The following ERBB4 variants were observed in gnomAD, a reference collection of about 807,000 sequenced individuals.
ERBB4 encodes the protein erb-b2 receptor tyrosine kinase 4.
Under a neutral mutation model 158.0 loss-of-function variants are expected in ERBB4, and 42 were observed. The ratio of observed to expected loss-of-function variants is 0.27; its 90% CI spans 0.21 to 0.34. ERBB4 has a LOEUF of 0.34. Ranked by LOEUF, ERBB4 falls within the 10% of genes least tolerant of loss-of-function variation. The pLI is 1.00. For missense variants in ERBB4, 1,333 were observed against 1,624.1 expected, an observed-to-expected ratio of 0.82 and a Z score of 3.08; for synonymous variants, 583 against 558.7, an observed-to-expected ratio of 1.04 and a Z score of -0.61.
intron 1 of ERBB4, among the ~76,000 whole-genome samples, chr2:212,456,750 T>C (rs1356584287): frequency 6.6e-6 from 1 of 151,906 alleles, no homozygotes; most frequent in African/African-American, 2.4e-5. Flanking sequence ...TATCAATTTA[T>C]ATAAAAATAT....
chr2:211,408,115 A>G (rs766417415), intron 25 of ERBB4, among the ~76,000 whole-genome samples: 97 of 152,226 alleles, frequency 6.4e-4, no homozygotes, highest in Non-Finnish European at 1.1e-3. Context: ...ACATACATAC[A>G]TAAATTAAAT....
In ERBB4 at chr2:211,917,781, T is replaced by C. The variant is rs1052722859; in HGVS notation, c.421+29649A>G. Among the ~76,000 whole-genome samples the C allele has an allele frequency of 2.8e-4, 43 of 152,164 alleles. 1 individual carries two copies. Among genetic ancestry groups the C allele is most frequent in the Non-Finnish European group, 2.9e-5 (2 of 68,030 alleles). ...GAGTCAGATTCTGGATGACATTTGA[T>C]TGCACTGATGGGTTTTGCCTGAACT... On this transcript the variant is annotated intron_variant, in intron 3 of 27. Transcript: ENST00000342788.
chr2:212,140,104 T>C (rs1194965064), intron 1 of ERBB4, among the ~76,000 whole-genome samples: 1 of 151,710 alleles, frequency 6.6e-6, no homozygotes, highest in Non-Finnish European at 1.5e-5. Context: ...AGAATCTGGT[T>C]ATAAAATGTA....
In ERBB4 at chr2:212,496,307, A is replaced by T. The variant is rs114303209; in HGVS notation, c.82+42142T>A. Among the ~76,000 whole-genome samples the T allele has an allele frequency of 8.0e-3, 1,212 of 151,932 alleles. 7 individuals are homozygous for T. The highest frequency in any genetic ancestry group is 0.023 in the South Asian group (109 of 4,818). On this transcript the variant is annotated intron_variant, in intron 1 of 27. Transcript: ENST00000342788. ...AAAAAAAAAAAACAAAAAAACAGAC[A>T]TACATCATGTAGATTATATTCTTCA...
chr2:211,662,207 G>A (rs1472233602), intron 15 of ERBB4, among the ~76,000 whole-genome samples: 1 of 151,676 alleles, frequency 6.6e-6, no homozygotes, highest in East Asian at 1.9e-4. Context: ...TAAAATGCAG[G>A]TTTGGTTTGA....
At chr2:212,385,391 C>G (rs147855636) in intron 1 of ERBB4, among the ~76,000 whole-genome samples, 262 of 151,850 alleles carry the variant, frequency 1.7e-3, no homozygotes, top group Middle Eastern at 6.8e-3. Context: ...CCTCACTCAT[C>G]GACAAACCAC....
chr2:211,879,807 A>G lies in ERBB4; in HGVS notation c.421+67623T>C, dbSNP rs2078612791. Among the ~76,000 whole-genome samples the G allele has an allele frequency of 2.0e-5, 3 of 152,090 alleles. No homozygotes were observed. In the South Asian group the frequency reaches 6.2e-4, roughly 31 times the overall value. On this transcript the variant is annotated intron_variant, in intron 3 of 27. Transcript: ENST00000342788. ...TACACAAAGAAATATCAATCATACA[A>G]AAGGGGAGCATATGATATTATAAGT...
chr2:212,099,691 A>G (rs1369122393), intron 2 of ERBB4, among the ~76,000 whole-genome samples: 2 of 150,850 alleles, frequency 1.3e-5, no homozygotes, highest in Admixed American at 6.6e-5. Flanking sequence ...GCCAATTTAG[A>G]ATTCTACCAT....
Position 211,386,958 on chromosome 2 carries a change from G to A in ERBB4, c.3376C>T (p.Gln1126Ter). The change falls in exon 27 of 28, where the codon CAG (glutamine) becomes TAG (stop). Residue 1126 changes from glutamine (Q) to a stop codon, truncating the protein, a stop_gained. Transcript: ENST00000342788. LOFTEE classifies it high-confidence loss of function. The stretch of plus-strand genomic sequence containing the variant: ...ACGGTGGGGTCAGCACTGTACCTCT[G>A]GGTGCTACTGTCCTCTTGGACATGG... ...APHVQEDSST[Q>*]RYSADPTVFA... 3.7e-6 allele frequency: 6 copies of A among 1,614,016 alleles called. No homozygotes were observed. The highest frequency in any genetic ancestry group is 5.1e-6 in the Non-Finnish European group (6 of 1,179,912).
intron 3 of ERBB4, among the ~76,000 whole-genome samples, chr2:211,921,528 T>G (rs1289943300): frequency 2.6e-5 from 4 of 152,034 alleles, no homozygotes; most frequent in Non-Finnish European, 5.9e-5. Context: ...TTCAACAAAT[T>G]TGCATCATAT....
At chr2:211,713,671 T>C (rs762007820) in intron 7 of ERBB4, 23 bp from the exon 8 acceptor site, 1 of 1,225,560 alleles carries the variant, frequency 8.2e-7, no homozygotes, top group East Asian at 2.3e-5. Context: ...AAAAAAAAGG[T>C]AAAATAAGCA....
intron 19 of ERBB4, among the ~76,000 whole-genome samples, chr2:211,569,645 T>C (rs894044962): frequency 6.6e-6 from 1 of 152,190 alleles, no homozygotes; most frequent in African/African-American, 2.4e-5. Context: ...CAAAGTCATA[T>C]ATATAAATAC....
intron 1 of ERBB4, among the ~76,000 whole-genome samples, chr2:212,449,899 T>C (rs745682861): frequency 6.6e-6 from 1 of 152,288 alleles, no homozygotes; most frequent in South Asian, 2.1e-4. Context: ...AGGTTTGAGA[T>C]ATATGTAATT....
intron 20 of ERBB4, among the ~76,000 whole-genome samples, chr2:211,538,348 T>C (rs2066711122): frequency 6.6e-6 from 1 of 151,890 alleles, no homozygotes; most frequent in East Asian, 1.9e-4. Context: ...ATGTTCCTTA[T>C]ACAATAGATA....
At chr2:212,211,801 T>A (rs2082944750) in intron 1 of ERBB4, among the ~76,000 whole-genome samples, 1 of 151,928 alleles carries the variant, frequency 6.6e-6, no homozygotes, top group South Asian at 2.1e-4. Flanking sequence ...CACTTATGAG[T>A]GAGAACATGC....
At chr2:212,275,264 T>C (rs2085488086) in intron 1 of ERBB4, among the ~76,000 whole-genome samples, 1 of 151,946 alleles carries the variant, frequency 6.6e-6, no homozygotes, top group Non-Finnish European at 1.5e-5. Context: ...GTAGCATGAT[T>C]TATAATCCTT....
intron 1 of ERBB4, among the ~76,000 whole-genome samples, chr2:212,351,751 C>G (rs1249593143): frequency 6.6e-6 from 1 of 152,102 alleles, no homozygotes; most frequent in Non-Finnish European, 1.5e-5. Context: ...ACTAATGGAG[C>G]ATATAATCAA....
chr2:212,099,421 A>G (rs1287286931), intron 2 of ERBB4, among the ~76,000 whole-genome samples: 3 of 152,190 alleles, frequency 2.0e-5, no homozygotes. Flanking sequence ...TCTCTTAAAT[A>G]GTAAAATAAC....
intron 3 of ERBB4, among the ~76,000 whole-genome samples, chr2:211,839,122 A>AGAGAGAGAGAGGGAGAGAGG (rs2077406736): frequency 3.4e-5 from 5 of 145,412 alleles, no homozygotes; most frequent in African/African-American, 5.1e-5. Context: ...AGAAATAAAG[A>AGAGAGAGAGAGGGAGAGAGG]GAGAGAGAGA....
Sources: gnomAD v4.1 joint callset for allele counts (sites outside exome capture counted in the v4.1 genomes callset) on GRCh38, gnomAD v4.1.1 for gene constraint, MANE v1.5 for transcripts, NCBI Gene and HGNC (gene_info 2026-07-23, HGNC 2026-07-21) for gene names.